AKAP13: variants seen among roughly 807,000 people sequenced by gnomAD.
The protein encoded by AKAP13 is A-kinase anchor protein 13.
Under a neutral mutation model 264.5 loss-of-function variants are expected in AKAP13, and 80 were observed. The ratio of observed to expected loss-of-function variants is 0.30; its 90% CI spans 0.25 to 0.36. AKAP13 has a LOEUF of 0.36. Among genes scored for constraint, AKAP13 ranks in the 10% least tolerant of loss-of-function variants. AKAP13 has a pLI of 1.00. For missense variants in AKAP13, 3,712 were observed against 3,435.2 expected (o/e 1.08, Z -2.01); for synonymous variants, 1,380 against 1,250.2 (o/e 1.10, Z -2.19).
At chr15:85,688,681 G>A (rs1370974927) in intron 16 of AKAP13, among the ~76,000 whole-genome samples, 3 of 152,172 alleles carry the variant, frequency 2.0e-5, no homozygotes, top group Non-Finnish European at 4.4e-5. Context: ...ATTCCTAGGA[G>A]GGTAACATAT....
At chr15:85,520,224 G>A (rs983452478) in intron 2 of AKAP13, among the ~76,000 whole-genome samples, 6 of 151,948 alleles carry the variant, frequency 3.9e-5, no homozygotes, top group Admixed American at 1.3e-4. Flanking sequence ...GGCTGGGTAC[G>A]GTGGCTTACT....
At chr15:85,631,498 T>TCACACA (rs1202064107) in intron 8 of AKAP13, among the ~76,000 whole-genome samples, 184 of 66,522 alleles carry the variant, frequency 2.8e-3, no homozygotes, top group African/African-American at 8.7e-3. Flanking sequence ...TCTCTCTCTC[T>TCACACA]CTCTCACACA....
chr15:85,454,796 C>T (rs1237300388), intron 1 of AKAP13, among the ~76,000 whole-genome samples: 2 of 152,172 alleles, frequency 1.3e-5, no homozygotes, highest in Non-Finnish European at 2.9e-5. Context: ...AGACTTTGCA[C>T]ACCTTAGTTG....
chr15:85,415,253 A>T (rs2072188214), intron 1 of AKAP13: 1 of 1,569,578 alleles, frequency 6.4e-7, no homozygotes, highest in Non-Finnish European at 8.7e-7. Flanking sequence ...AGCTGGAAGG[A>T]AGATGGCGCC....
chr15:85,613,036 C>T (rs1355566734), intron 8 of AKAP13, among the ~76,000 whole-genome samples: 2 of 151,946 alleles, frequency 1.3e-5, no homozygotes, highest in Non-Finnish European at 1.5e-5. Flanking sequence ...TTGTTTTTGT[C>T]AGTGCTGGAC....
intron 1 of AKAP13, among the ~76,000 whole-genome samples, chr15:85,437,254 C>A (rs1398917162): frequency 6.7e-6 from 1 of 150,258 alleles, no homozygotes; most frequent in African/African-American, 2.4e-5. Context: ...CATACACTCT[C>A]CCAAGACTAA....
At chr15:85,553,084 CTT>C (rs10693195) in intron 5 of AKAP13, among the ~76,000 whole-genome samples, 11 of 120,360 alleles carry the variant, frequency 9.1e-5, no homozygotes, top group Admixed American at 9.1e-5. Context: ...ATCTGTAATT[CTT>C]TTTTTTTTTT....
At chr15:85,448,001 G>T (rs1448371032) in intron 1 of AKAP13, among the ~76,000 whole-genome samples, 1 of 152,228 alleles carries the variant, frequency 6.6e-6, no homozygotes, top group African/African-American at 2.4e-5. Flanking sequence ...GTGTATAAGG[G>T]TTCCTTTTCC....
chr15:85,685,090 T>A, intron 16 of AKAP13: 1 of 495,492 alleles, frequency 2.0e-6, no homozygotes, highest in Non-Finnish European at 3.4e-6. Context: ...CTAAGTGCTT[T>A]CCATATATTA....
intron 3 of AKAP13, among the ~76,000 whole-genome samples, chr15:85,522,947 C>A (rs1256096201): frequency 7.0e-6 from 1 of 143,658 alleles, no homozygotes. Context: ...CCCCGTCGCC[C>A]CCATCCCATT....
At chr15:85,496,684 G>A (rs931322353) in intron 2 of AKAP13, among the ~76,000 whole-genome samples, 1 of 152,162 alleles carries the variant, frequency 6.6e-6, no homozygotes, top group African/African-American at 2.4e-5. Context: ...TCACTTGGCT[G>A]TTAGGATACA....
chr15:85,540,296 A>G (rs1238071353), intron 4 of AKAP13, among the ~76,000 whole-genome samples: 2 of 152,060 alleles, frequency 1.3e-5, no homozygotes, highest in African/African-American at 4.8e-5. Flanking sequence ...GAAATCTAAG[A>G]CCTGCTTTCA....
intron 8 of AKAP13, among the ~76,000 whole-genome samples, chr15:85,589,231 G>T (rs1019336762): frequency 6.6e-6 from 1 of 152,116 alleles, no homozygotes; most frequent in Non-Finnish European, 1.5e-5. Flanking sequence ...GCAGAGGTCG[G>T]CAAACATTTT....
Position 85,674,264 on chromosome 15 carries a change from A to G in AKAP13, c.5101+4434A>G, listed in dbSNP as rs1247215544. On this transcript the variant is annotated intron_variant, in intron 14 of 36. Coordinates refer to ENST00000394518, the MANE Select transcript of AKAP13 (RefSeq NM_007200.5). ...CAAAATCTGAAACGTTCGAGCACCA[A>G]CATGATGCCACAAGTGGAAAATTCC... is the stretch of plus-strand genomic sequence containing the variant. Among the ~76,000 whole-genome samples the G allele has an allele frequency of 2.0e-5, 3 of 152,226 alleles. No individual in the cohort carries two copies. In the East Asian group the frequency reaches 5.8e-4, roughly 29 times the overall value.
At chr15:85,728,825 A>T (rs1038423124) in intron 29 of AKAP13, among the ~76,000 whole-genome samples, 1 of 152,114 alleles carries the variant, frequency 6.6e-6, no homozygotes, top group Non-Finnish European at 1.5e-5. Flanking sequence ...TTAAAAGGCA[A>T]CAAGGGACTC....
At chr15:85,742,040 A>C (rs1292328205) in intron 35 of AKAP13, among the ~76,000 whole-genome samples, 2 of 152,180 alleles carry the variant, frequency 1.3e-5, no homozygotes, top group South Asian at 2.1e-4. Flanking sequence ...GTCTCAAAAA[A>C]ACACACACAG....
At chr15:85,716,001 G>GAT in intron 20 of AKAP13, 78 bp downstream of exon 20, 2 of 1,290,812 alleles carry the variant, frequency 1.5e-6, no homozygotes, top group Non-Finnish European at 2.1e-6. Flanking sequence ...ATGACAAAAA[G>GAT]CTTTTTTTTT....
At chr15:85,629,707 A>G (rs1191148927) in intron 8 of AKAP13, among the ~76,000 whole-genome samples, 2 of 142,284 alleles carry the variant, frequency 1.4e-5, no homozygotes, top group Admixed American at 7.2e-5. Context: ...GGTCAAATCT[A>G]TGGGATGGTA....
chr15:85,619,824 TTTATA>T (rs58117996), intron 8 of AKAP13: 275,930 of 1,272,136 alleles, frequency 0.22, 31,162 homozygotes, highest in South Asian at 0.35. Flanking sequence ...GTATTTATTG[TTTATA>T]TTATGAGTTC....
Sources: gnomAD v4.1 joint callset for allele counts (sites outside exome capture counted in the v4.1 genomes callset) on GRCh38, gnomAD v4.1.1 for gene constraint, MANE v1.5 for transcripts, NCBI Gene and HGNC (gene_info 2026-07-23, HGNC 2026-07-21) for gene names.